Variants in EDIL3 observed in about 807,000 individuals in gnomAD.
EDIL3 encodes the protein EGF like and discoidin domains 3.
A neutral mutation model predicts 67.4 loss-of-function variants in EDIL3; 37 were observed. The ratio of observed to expected loss-of-function variants is 0.55; its 90% CI spans 0.42 to 0.72. The LOEUF (loss-of-function observed/expected upper bound fraction) is 0.72, where lower values mean the gene tolerates loss of function less well. Ranked by LOEUF, EDIL3 falls within the 30% of genes least tolerant of loss-of-function variation. The pLI, the probability that EDIL3 is intolerant of heterozygous loss-of-function variation, is 0.00. For missense variants in EDIL3, 527 were observed against 586.3 expected (o/e 0.90, Z 1.04); for synonymous variants, 195 against 196.3 (o/e 0.99, Z 0.05).
chr5:84,253,441 G>A lies in EDIL3; in HGVS notation c.196+643C>T, dbSNP rs534682632. On this transcript the variant is annotated intron_variant, in intron 2 of 10. Transcript: ENST00000296591. ...TGGTGTTAAATTATTTTAAAGTACA[G>A]CTATTTCCTTAATGGGGACCTATGT... is the stretch of plus-strand genomic sequence containing the variant. Among the ~76,000 whole-genome samples, 13 of 152,248 alleles carry A rather than the reference G, an allele frequency of 8.5e-5. No individual in the cohort carries two copies. The South Asian group carries it at 2.5e-3, about 29-fold the overall frequency.
At chr5:83,961,254 AC>A (rs1185660960) in intron 10 of EDIL3, among the ~76,000 whole-genome samples, 2 of 151,118 alleles carry the variant, frequency 1.3e-5, no homozygotes, top group African/African-American at 4.8e-5. Context: ...GCAAGAAGAG[AC>A]AAATCCATAA....
At chr5:84,162,561 T>G (rs1657067064) in intron 4 of EDIL3, among the ~76,000 whole-genome samples, 1 of 152,008 alleles carries the variant, frequency 6.6e-6, no homozygotes, top group African/African-American at 2.4e-5. Flanking sequence ...TGTGATGACA[T>G]TTCATCACTG....
intron 1 of EDIL3, among the ~76,000 whole-genome samples, chr5:84,291,220 A>T (rs1295497609): frequency 6.6e-6 from 1 of 152,146 alleles, no homozygotes; most frequent in African/African-American, 2.4e-5. Flanking sequence ...AAGGCTTACC[A>T]TTTCTCCTTA....
chr5:84,246,865 T>C (rs1744919066), intron 2 of EDIL3, among the ~76,000 whole-genome samples: 1 of 152,216 alleles, frequency 6.6e-6, no homozygotes, highest in South Asian at 2.1e-4. Flanking sequence ...TGAGTTTATA[T>C]GGTATGTTAC....
At chr5:84,366,258 C>T (rs1167851869) in intron 1 of EDIL3, among the ~76,000 whole-genome samples, 2 of 152,164 alleles carry the variant, frequency 1.3e-5, no homozygotes, top group African/African-American at 2.4e-5. Context: ...CCACCACCAC[C>T]GTCACCATCA....
At chr5:84,220,642 T>C (rs1744323451) in intron 3 of EDIL3, among the ~76,000 whole-genome samples, 1 of 152,198 alleles carries the variant, frequency 6.6e-6, no homozygotes, top group Non-Finnish European at 1.5e-5. Flanking sequence ...GATTCTGTTC[T>C]TAAGGAGTAC....
intron 9 of EDIL3, among the ~76,000 whole-genome samples, chr5:84,045,343 G>A (rs1206573830): frequency 6.6e-6 from 1 of 152,104 alleles, no homozygotes; most frequent in African/African-American, 2.4e-5. Context: ...AAGAAGTCAG[G>A]GGAGGAGAGC....
intron 2 of EDIL3, among the ~76,000 whole-genome samples, chr5:84,244,778 ATT>A (rs2112064027): frequency 6.6e-6 from 1 of 152,218 alleles, no homozygotes; most frequent in African/African-American, 2.4e-5. Flanking sequence ...CATACTTTAG[ATT>A]GGGGTCCTAC....
chr5:84,038,697 C>G (rs983057342), intron 9 of EDIL3, among the ~76,000 whole-genome samples: 2 of 152,176 alleles, frequency 1.3e-5, no homozygotes, highest in African/African-American at 4.8e-5. Flanking sequence ...TTAAGTAGAG[C>G]TGCTGTGGAA....
intron 1 of EDIL3, among the ~76,000 whole-genome samples, chr5:84,339,069 T>A (rs1159989786): frequency 6.6e-6 from 1 of 152,112 alleles, no homozygotes; most frequent in Admixed American, 6.6e-5. Context: ...GTAAAAATGA[T>A]TAACAAGGAC....
At chr5:83,973,515 T>C (rs1468608983) in intron 9 of EDIL3, among the ~76,000 whole-genome samples, 1 of 152,120 alleles carries the variant, frequency 6.6e-6, no homozygotes, top group African/African-American at 2.4e-5. Context: ...GTCAGCATTG[T>C]GTCAGGATCT....
chr5:83,997,080 T>C (rs1722462060), intron 9 of EDIL3, among the ~76,000 whole-genome samples: 1 of 152,130 alleles, frequency 6.6e-6, no homozygotes, highest in South Asian at 2.1e-4. Flanking sequence ...AGGCATATAC[T>C]GGTTGGTATG....
intron 5 of EDIL3, among the ~76,000 whole-genome samples, chr5:84,134,454 C>G (rs1040521741): frequency 3.3e-5 from 5 of 152,116 alleles, no homozygotes; most frequent in Non-Finnish European, 5.9e-5. Flanking sequence ...GAAACCAGCA[C>G]AGGAGTTATC....
chr5:84,326,774 C>A (rs1303291602), intron 1 of EDIL3, among the ~76,000 whole-genome samples: 2 of 151,850 alleles, frequency 1.3e-5, no homozygotes, highest in African/African-American at 2.4e-5. Flanking sequence ...ATTTCAGCTA[C>A]TTTTATCTTT....
chr5:84,074,556 CT>C (rs1371931972), intron 6 of EDIL3, among the ~76,000 whole-genome samples: 3 of 152,022 alleles, frequency 2.0e-5, no homozygotes, highest in Admixed American at 6.6e-5. Context: ...ACAGACACTT[CT>C]CAAAAGAAGA....
In EDIL3 at chr5:84,111,067, G is replaced by A. The variant is rs554930798; in HGVS notation, c.470-4237C>T. On this transcript the variant is annotated intron_variant, in intron 5 of 10. Coordinates refer to ENST00000296591, the MANE Select transcript of EDIL3 (RefSeq NM_005711.5). ...ATGGTGAGTTCTCATGAGATCTGGT[G>A]GTTTAAAAGTGTGTGGCACGTCTCT... is the stretch of plus-strand genomic sequence containing the variant. 5.6e-4 allele frequency among the ~76,000 whole-genome samples: 85 copies of A among 152,046 alleles called. 1 individual carries two copies. The highest frequency in any genetic ancestry group is 8.5e-4 in the Non-Finnish European group (58 of 68,012).
intron 4 of EDIL3, among the ~76,000 whole-genome samples, chr5:84,144,457 A>C (rs531661337): frequency 6.6e-6 from 1 of 152,114 alleles, no homozygotes; most frequent in Non-Finnish European, 1.5e-5. Context: ...AACAAGGGCT[A>C]TAACAGGAAA....
chr5:84,121,404 A>T (rs1049109226), intron 5 of EDIL3, among the ~76,000 whole-genome samples: 1 of 151,926 alleles, frequency 6.6e-6, no homozygotes. Context: ...TCATCTAGCC[A>T]ATTCTGTTGT....
In EDIL3 at chr5:84,212,780, GAGA is replaced by G. The variant is rs573620377; in HGVS notation, c.226+17072_226+17074del. Among the ~76,000 whole-genome samples, 7 of 152,270 alleles carry G rather than the reference GAGA, an allele frequency of 4.6e-5. No individual in the cohort carries two copies. The East Asian group carries it at 1.2e-3, about 25-fold the overall frequency. On this transcript the variant is annotated intron_variant, in intron 3 of 10. Coordinates refer to ENST00000296591, the MANE Select transcript of EDIL3 (RefSeq NM_005711.5). ...AGAGAAGACCGCCCTGCCTCCTAGA[GAGA>G]AGAAGCATGGATGTGATGGGATATT...
Sources: allele counts gnomAD v4.1 joint callset (sites outside exome capture counted in the v4.1 genomes callset), GRCh38; gene constraint gnomAD v4.1.1; transcripts MANE v1.5; gene names NCBI Gene and HGNC (gene_info 2026-07-23, HGNC 2026-07-21).